The following C3orf22 variants were observed in gnomAD, a reference collection of about 807,000 sequenced individuals.
The protein encoded by C3orf22 is uncharacterized protein C3orf22.
C3orf22 carries 7 observed loss-of-function variants against 10.8 expected under a neutral mutation model. The observed-to-expected ratio is 0.65, with a 90% confidence interval of 0.37 to 1.22. C3orf22 has a LOEUF of 1.22. Ranked by LOEUF, C3orf22 falls within the 50% of genes most tolerant of loss-of-function variation. The pLI is 0.02. For synonymous variants in C3orf22, 79 were observed against 78.9 expected (o/e 1.00, Z 0.00); for missense variants, 173 against 177.0 (o/e 0.98, Z 0.13).
chr3:126,555,293 G>A (rs529074486), intron 1 of C3orf22, among the ~76,000 whole-genome samples: 44 of 152,310 alleles, frequency 2.9e-4, no homozygotes, highest in Non-Finnish European at 5.3e-4. Context: ...ATGCTGTGCC[G>A]AAGCCCCGTG....
chr3:126,533,474 T>G (rs181407840), intron 4 of C3orf22, among the ~76,000 whole-genome samples: 10 of 152,234 alleles, frequency 6.6e-5, no homozygotes, highest in African/African-American at 2.4e-4. Flanking sequence ...CTGCATTTAT[T>G]GATGAGCATG....
At chr3:126,541,838 C>T in intron 4 of C3orf22, 5 of 1,575,222 alleles carry the variant, frequency 3.2e-6, no homozygotes, top group Non-Finnish European at 4.3e-6. Flanking sequence ...GCCGGAGGAC[C>T]TGCGGCACGT....
intron 4 of C3orf22, among the ~76,000 whole-genome samples, chr3:126,530,700 ACATTG>A (rs1936639461): frequency 6.6e-6 from 1 of 152,238 alleles, no homozygotes; most frequent in African/African-American, 2.4e-5. Context: ...TGACCAGCCA[ACATTG>A]CTGCCCTCTC....
At chr3:126,549,254 C>CCA (rs1553709279), downstream of C3orf22, among the ~76,000 whole-genome samples, 1 of 143,928 alleles carries the variant, frequency 6.9e-6, no homozygotes, top group East Asian at 2.0e-4. Context: ...CATCCACGCC[C>CCA]CCCCCCCCAC....
intron 4 of C3orf22, among the ~76,000 whole-genome samples, chr3:126,540,968 G>T (rs576975076): frequency 1.1e-4 from 17 of 152,288 alleles, no homozygotes; most frequent in African/African-American, 3.4e-4. Context: ...TCATAGGCAG[G>T]GGTGTTAATC....
chr3:126,533,730 C>G (rs1936706429), intron 4 of C3orf22, among the ~76,000 whole-genome samples: 2 of 152,002 alleles, frequency 1.3e-5, no homozygotes, highest in Non-Finnish European at 2.9e-5. Context: ...ATAATACTGG[C>G]CTTATGTAAT....
intron 4 of C3orf22, among the ~76,000 whole-genome samples, chr3:126,541,395 C>G (rs2107573297): frequency 6.6e-6 from 1 of 152,334 alleles, no homozygotes; most frequent in South Asian, 2.1e-4. Context: ...TTTTAGTAAA[C>G]ATTGAAGAGT....
chr3:126,555,986 A>G (rs1175216024), intron 1 of C3orf22, among the ~76,000 whole-genome samples: 1 of 152,196 alleles, frequency 6.6e-6, no homozygotes, highest in Non-Finnish European at 1.5e-5. Context: ...CCCAGCTCAC[A>G]GGCCTGCCAG....
In C3orf22 at chr3:126,552,062, G is replaced by C. The variant is rs1937201716; in HGVS notation, c.150C>G (p.Asp50Glu). Residue 50 changes from aspartate (D) to glutamate (E), a missense_variant, in exon 3 of 4, where the codon GAC (aspartate) becomes GAG (glutamate). Transcript: ENST00000318225. ...EPLQPWEVTN[D>E]SNTVQLPLQK... ...GCAGGGGCAGCTGCACCGTGTTCGA[G>C]TCGTTTGTGACCTCCCAGGGCTGCA... 6.2e-7 allele frequency: 1 copy of C among 1,613,644 alleles called. No homozygotes were observed. The highest frequency in any genetic ancestry group is 1.7e-5 in the Admixed American group (1 of 59,900).
At chr3:126,542,721 C>G (rs1277062517) in intron 4 of C3orf22, 1 of 1,250,040 alleles carries the variant, frequency 8.0e-7, no homozygotes, top group Non-Finnish European at 1.0e-6. Context: ...GGGCGCAGGG[C>G]ACACCTGGCC....
chr3:126,534,730 C>G (rs1254869151), intron 4 of C3orf22, among the ~76,000 whole-genome samples: 2 of 149,422 alleles, frequency 1.3e-5, no homozygotes, highest in African/African-American at 5.0e-5. Context: ...GACAGACAGA[C>G]AGCATCCCTG....
downstream of C3orf22, among the ~76,000 whole-genome samples, chr3:126,547,403 C>G (rs1278420497): frequency 6.6e-6 from 1 of 152,226 alleles, no homozygotes; most frequent in Non-Finnish European, 1.5e-5. Flanking sequence ...TGCACATAAA[C>G]CTAAACTCAG....
downstream of C3orf22, chr3:126,549,589 T>G: frequency 3.1e-6 from 4 of 1,302,314 alleles, no homozygotes; most frequent in Admixed American, 6.4e-5. Flanking sequence ...TCATGCTCTT[T>G]TTAATCCTCA....
At chr3:126,554,553 C>T (rs545440346) in intron 1 of C3orf22, among the ~76,000 whole-genome samples, 135 of 152,254 alleles carry the variant, frequency 8.9e-4, no homozygotes, top group African/African-American at 3.0e-3. Context: ...CGTGAGCCAC[C>T]GCGCCTGGCC....
At chr3:126,543,659 A>C (rs959178670) in intron 4 of C3orf22, among the ~76,000 whole-genome samples, 1 of 151,996 alleles carries the variant, frequency 6.6e-6, no homozygotes, top group South Asian at 2.1e-4. Flanking sequence ...AGTGTGCATG[A>C]GTGTGTGAGT....
At chr3:126,537,988 C>T (rs138745480) in intron 4 of C3orf22, among the ~76,000 whole-genome samples, 61 of 152,280 alleles carry the variant, frequency 4.0e-4, no homozygotes, top group Non-Finnish European at 8.1e-4. Context: ...GGTGCAGCCC[C>T]GGACAGTGGA....
downstream of C3orf22, among the ~76,000 whole-genome samples, chr3:126,548,558 A>G (rs12497195): frequency 1 from 152,074 of 152,364 alleles, 75,893 homozygotes; most frequent in Middle Eastern, 1. Flanking sequence ...CCTCACAGGA[A>G]GGGACCCCAG....
chr3:126,529,169 G>A, exon 5 of C3orf22: 1 of 557,682 alleles, frequency 1.8e-6, no homozygotes, highest in Non-Finnish European at 3.1e-6. Flanking sequence ...GCTGAGGTGG[G>A]TGTGCAGAGG....
intron 4 of C3orf22, chr3:126,541,664 G>A: frequency 7.5e-7 from 1 of 1,338,710 alleles, no homozygotes. Context: ...TCCCGCCGGG[G>A]CAGCGCCAGA....
Sources: allele counts gnomAD v4.1 joint callset (sites outside exome capture counted in the v4.1 genomes callset), GRCh38; gene constraint gnomAD v4.1.1; transcripts MANE v1.5; gene names NCBI Gene and HGNC (gene_info 2026-07-23, HGNC 2026-07-21).